ARHGAP24: variants seen among roughly 807,000 people sequenced by gnomAD.
ARHGAP24 encodes the protein rho GTPase-activating protein 24.
ARHGAP24 carries 50 observed loss-of-function variants against 76.4 expected under a neutral mutation model. The ratio of observed to expected loss-of-function variants is 0.65; its 90% CI spans 0.52 to 0.83. ARHGAP24 has a LOEUF of 0.83. Ranked by LOEUF, ARHGAP24 falls within the 40% of genes least tolerant of loss-of-function variation. The probability of loss-of-function intolerance (pLI) is 0.00; values close to 1 mark genes in which losing one functional copy is unlikely to be tolerated. For synonymous variants in ARHGAP24, 345 were observed against 323.3 expected (o/e 1.07, Z -0.72); for missense variants, 930 against 914.2 (o/e 1.02, Z -0.22).
At chr4:85,914,350 C>T (rs568649807) in intron 3 of ARHGAP24, among the ~76,000 whole-genome samples, 1 of 152,232 alleles carries the variant, frequency 6.6e-6, no homozygotes, top group South Asian at 2.1e-4. Flanking sequence ...ATCGGGATCA[C>T]CCAGCAGGCA....
intron 3 of ARHGAP24, among the ~76,000 whole-genome samples, chr4:85,768,713 G>T (rs937241784): frequency 6.6e-6 from 1 of 152,070 alleles, no homozygotes; most frequent in Non-Finnish European, 1.5e-5. Flanking sequence ...GGAGGCAGAG[G>T]TTGCAGTGAG....
chr4:85,980,891 C>G (rs1739621989), intron 8 of ARHGAP24, among the ~76,000 whole-genome samples: 1 of 152,156 alleles, frequency 6.6e-6, no homozygotes, highest in Non-Finnish European at 1.5e-5. Context: ...CACCTTAGTA[C>G]AAATCAAGGC....
At chr4:85,977,032 C>T (rs1302573348) in intron 7 of ARHGAP24, among the ~76,000 whole-genome samples, 2 of 152,088 alleles carry the variant, frequency 1.3e-5, no homozygotes, top group African/African-American at 2.4e-5. Flanking sequence ...AGGTGATCCA[C>T]CTGCCTTGGC....
rs60370472 is a variant in ARHGAP24, at chr4:85,757,847, C to T, written c.268+35875C>T. 9.3e-3 allele frequency among the ~76,000 whole-genome samples: 1,413 copies of T among 152,254 alleles called. 23 individuals carry two copies. Among genetic ancestry groups the T allele is most frequent in the African/African-American group, 0.032 (1,310 of 41,538 alleles). On this transcript the variant is annotated intron_variant, in intron 3 of 9. Coordinates refer to ENST00000395184, the MANE Select transcript of ARHGAP24 (RefSeq NM_001025616.3). Reference sequence around the variant, plus strand: ...CAGTCCCACCAACAGTGTAAAAGTGCTCCTATTTCTCCACATCCTCTCCAG... The same window carrying T: ...CAGTCCCACCAACAGTGTAAAAGTGTTCCTATTTCTCCACATCCTCTCCAG...
intron 3 of ARHGAP24, among the ~76,000 whole-genome samples, chr4:85,863,392 C>T (rs1370441644): frequency 6.6e-6 from 1 of 152,012 alleles, no homozygotes; most frequent in Non-Finnish European, 1.5e-5. Flanking sequence ...ATTATATGTT[C>T]ATTTATTTAA....
chr4:85,895,413 G>C (rs1226242558), intron 3 of ARHGAP24, among the ~76,000 whole-genome samples: 1 of 152,038 alleles, frequency 6.6e-6, no homozygotes, highest in Non-Finnish European at 1.5e-5. Flanking sequence ...TCCCAAAGTA[G>C]ATCACCTGGG....
chr4:85,809,886 C>T (rs1481925540), intron 3 of ARHGAP24, among the ~76,000 whole-genome samples: 2 of 152,146 alleles, frequency 1.3e-5, no homozygotes, highest in Non-Finnish European at 2.9e-5. Flanking sequence ...TGGGGTCTTC[C>T]AAAGGTATAT....
intron 3 of ARHGAP24, among the ~76,000 whole-genome samples, chr4:85,841,025 G>C (rs1342000522): frequency 6.6e-6 from 1 of 152,126 alleles, no homozygotes; most frequent in Non-Finnish European, 1.5e-5. Context: ...AGAAACCATA[G>C]AGAAAGTTAT....
chr4:85,696,698 A>G (rs1051192683), intron 2 of ARHGAP24, among the ~76,000 whole-genome samples: 2 of 152,210 alleles, frequency 1.3e-5, no homozygotes, highest in African/African-American at 4.8e-5. Flanking sequence ...CATTCTTTCA[A>G]CCTAACTCAC....
chr4:85,559,167 G>A (rs1294535375), intron 1 of ARHGAP24, among the ~76,000 whole-genome samples: 1 of 152,142 alleles, frequency 6.6e-6, no homozygotes, highest in African/African-American at 2.4e-5. Flanking sequence ...TCTGCTATGT[G>A]CATAAAGCTC....
At chr4:85,800,171 C>A (rs1430610119) in intron 3 of ARHGAP24, among the ~76,000 whole-genome samples, 1 of 152,142 alleles carries the variant, frequency 6.6e-6, no homozygotes, top group Non-Finnish European at 1.5e-5. Context: ...GATATTAACA[C>A]AAGATAAAGC....
intron 3 of ARHGAP24, among the ~76,000 whole-genome samples, chr4:85,755,424 T>C (rs1726438967): frequency 6.6e-6 from 1 of 152,004 alleles, no homozygotes; most frequent in African/African-American, 2.4e-5. Context: ...GAGGTGCTCA[T>C]CTCCAGCACA....
chr4:85,833,484 GA>G (rs57631674), intron 3 of ARHGAP24, among the ~76,000 whole-genome samples: 12,275 of 149,854 alleles, frequency 0.082, 856 homozygotes, highest in East Asian at 0.3. Context: ...CTGACCTGGG[GA>G]AAAAAAAAAC....
chr4:85,648,205 G>A (rs1364416623), intron 2 of ARHGAP24, among the ~76,000 whole-genome samples: 2 of 152,058 alleles, frequency 1.3e-5, no homozygotes, highest in East Asian at 1.9e-4. Context: ...ATCGGAGGGG[G>A]AGCTAGGTAG....
chr4:85,559,215 ATTATAATC>A (rs142785576), intron 1 of ARHGAP24, among the ~76,000 whole-genome samples: 5 of 152,292 alleles, frequency 3.3e-5, no homozygotes, highest in Non-Finnish European at 5.9e-5. Context: ...TCCCTTGGGT[ATTATAATC>A]CTATTACTTT....
chr4:85,833,701 A>C (rs1730114390), intron 3 of ARHGAP24, among the ~76,000 whole-genome samples: 1 of 152,208 alleles, frequency 6.6e-6, no homozygotes, highest in African/African-American at 2.4e-5. Flanking sequence ...AAAAGTTTTT[A>C]AACTTTTAAA....
At chr4:85,715,783 T>C (rs1724712859) in intron 2 of ARHGAP24, among the ~76,000 whole-genome samples, 1 of 152,066 alleles carries the variant, frequency 6.6e-6, no homozygotes, top group Admixed American at 6.6e-5. Context: ...CGAGTAATTT[T>C]TGGATATAGG....
At chr4:85,855,219 A>G (rs989047872) in intron 3 of ARHGAP24, among the ~76,000 whole-genome samples, 1 of 152,222 alleles carries the variant, frequency 6.6e-6, no homozygotes, top group African/African-American at 2.4e-5. Context: ...TTAGAAAGTC[A>G]GAGACCCTGA....
At chr4:85,912,489 A>G (rs1420494686) in intron 3 of ARHGAP24, among the ~76,000 whole-genome samples, 1 of 152,144 alleles carries the variant, frequency 6.6e-6, no homozygotes, top group Non-Finnish European at 1.5e-5. Context: ...AGTTTTTCTT[A>G]TTTTTACACT....
Sources: gnomAD v4.1 joint callset for allele counts (sites outside exome capture counted in the v4.1 genomes callset) on GRCh38, gnomAD v4.1.1 for gene constraint, MANE v1.5 for transcripts, NCBI Gene and HGNC (gene_info 2026-07-23, HGNC 2026-07-21) for gene names.